The following DPP10 variants were observed in gnomAD, a reference collection of about 807,000 sequenced individuals.
DPP10 encodes the protein dipeptidyl peptidase like 10.
DPP10 carries 33 observed loss-of-function variants against 120.9 expected under a neutral mutation model. The observed-to-expected ratio is 0.27, with a 90% CI of 0.21 to 0.37. The LOEUF (loss-of-function observed/expected upper bound fraction) is 0.37. Ranked by LOEUF, DPP10 falls within the 10% of genes least tolerant of loss-of-function variation. The probability of loss-of-function intolerance (pLI) is 1.00; values close to 1 mark genes in which losing one functional copy is unlikely to be tolerated. For synonymous variants in DPP10, 337 were observed against 326.1 expected (o/e 1.03, Z -0.36); for missense variants, 816 against 942.8 (o/e 0.87, Z 1.76).
chr2:115,426,685 C>A (rs1232529179), intron 3 of DPP10, among the ~76,000 whole-genome samples: 1 of 152,150 alleles, frequency 6.6e-6, no homozygotes, highest in African/African-American at 2.4e-5. Context: ...CCAGGTGCCA[C>A]TTCCAACACG....
chr2:115,333,068 G>C (rs749986384), intron 2 of DPP10, among the ~76,000 whole-genome samples: 22 of 152,096 alleles, frequency 1.4e-4, no homozygotes, highest in Non-Finnish European at 2.9e-4. Context: ...AAGTCTCTTT[G>C]TAGATCTCTA....
chr2:115,173,928 C>T (rs928277029), intron 1 of DPP10, among the ~76,000 whole-genome samples: 6 of 152,074 alleles, frequency 3.9e-5, no homozygotes, highest in African/African-American at 1.4e-4. Flanking sequence ...AGAGTTCCTC[C>T]CACCTAGGTT....
At chr2:114,869,270 A>G (rs1275483304) in intron 1 of DPP10, among the ~76,000 whole-genome samples, 1 of 152,148 alleles carries the variant, frequency 6.6e-6, no homozygotes, top group Non-Finnish European at 1.5e-5. Context: ...CATATACGAT[A>G]CTTAATTGTG....
intron 1 of DPP10, among the ~76,000 whole-genome samples, chr2:115,048,562 C>T (rs775884046): frequency 6.6e-6 from 1 of 152,074 alleles, no homozygotes; most frequent in Admixed American, 6.6e-5. Flanking sequence ...AAAGTCCAAG[C>T]TAAGCAGGGT....
intron 1 of DPP10, among the ~76,000 whole-genome samples, chr2:114,657,757 TG>T (rs1697072965): frequency 6.6e-6 from 1 of 152,214 alleles, no homozygotes; most frequent in African/African-American, 2.4e-5. Context: ...TGATGTTTAA[TG>T]AAATTTAAGC....
chr2:115,594,259 C>T (rs912609074), intron 5 of DPP10, among the ~76,000 whole-genome samples: 1 of 152,178 alleles, frequency 6.6e-6, no homozygotes, highest in African/African-American at 2.4e-5. Context: ...TCTTACTCAA[C>T]TTACACAAAT....
chr2:114,691,383 A>G (rs1278678593), intron 1 of DPP10, among the ~76,000 whole-genome samples: 2 of 151,924 alleles, frequency 1.3e-5, no homozygotes, highest in Non-Finnish European at 2.9e-5. Flanking sequence ...ATTTGTGTAC[A>G]TTTAACTAAC....
chr2:114,565,677 T>C lies in DPP10; in HGVS notation c.60+122839T>C, dbSNP rs181493426. Reference sequence around the variant, plus strand: ...TGGACCTCTGCATGAAGAAATGTGATGTGCTAAATAAATTCCTATCCCCAG... The same window carrying C: ...TGGACCTCTGCATGAAGAAATGTGACGTGCTAAATAAATTCCTATCCCCAG... On this transcript the variant is annotated intron_variant, in intron 1 of 25. Transcript: ENST00000410059. 9.8e-5 allele frequency among the ~76,000 whole-genome samples: 15 copies of C among 152,334 alleles called. No homozygotes were observed. In the East Asian group the frequency reaches 2.9e-3, roughly 29 times the overall value.
chr2:115,415,240 G>A (rs1387913571), intron 3 of DPP10, among the ~76,000 whole-genome samples: 5 of 152,146 alleles, frequency 3.3e-5, no homozygotes, highest in South Asian at 2.1e-4. Context: ...ATCTGGCTGC[G>A]CTTTGGCCAG....
chr2:115,143,715 T>C (rs544944938), intron 1 of DPP10, among the ~76,000 whole-genome samples: 3 of 152,282 alleles, frequency 2.0e-5, no homozygotes, highest in East Asian at 1.9e-4. Flanking sequence ...GTCATTTGTA[T>C]TATCTGATAG....
chr2:115,333,248 C>T (rs949918418), intron 2 of DPP10, among the ~76,000 whole-genome samples: 1 of 152,036 alleles, frequency 6.6e-6, no homozygotes, highest in Admixed American at 6.6e-5. Context: ...ATTACAACCC[C>T]TGCCTGTTTT....
rs57462947 is a variant in DPP10, at chr2:115,207,416, C to CAAAAAAAAAAAAAAAAAAAA, written c.61-101812_61-101793dup. ...GGTTTTTAAAGAGTGCTTACTGCAC[C>CAAAAAAAAAAAAAAAAAAAA]AAAAAAAAAAAAAAAAAAAAAAAAA... is the stretch of plus-strand genomic sequence containing the variant. On this transcript the variant is annotated intron_variant, in intron 1 of 25. Transcript: ENST00000410059. Among the ~76,000 whole-genome samples, 8 of 52,300 alleles carry CAAAAAAAAAAAAAAAAAAAA rather than the reference C, an allele frequency of 1.5e-4. 1 individual carries two copies. The highest frequency in any genetic ancestry group is 5.3e-4 in the African/African-American group (8 of 15,134). The allele number at this position is 52,300 out of a possible 152,430, so 34.3% of individuals were successfully genotyped here.
intron 1 of DPP10, among the ~76,000 whole-genome samples, chr2:114,725,228 T>C (rs1165788309): frequency 6.6e-6 from 1 of 152,166 alleles, no homozygotes; most frequent in Non-Finnish European, 1.5e-5. Flanking sequence ...TGCCTCAGCT[T>C]CTTTCTTTAG....
intron 1 of DPP10, among the ~76,000 whole-genome samples, chr2:114,493,955 A>G (rs1299980897): frequency 3.3e-5 from 5 of 152,180 alleles, no homozygotes; most frequent in African/African-American, 9.6e-5. Flanking sequence ...TAGGCATTAC[A>G]TAAACAAATA....
rs1678316278 is a variant in DPP10 at position 115,748,621 on chromosome 2, T to C, written c.950+2438T>C. 2.6e-5 allele frequency among the ~76,000 whole-genome samples: 4 copies of C among 152,240 alleles called. 1 individual carries two copies. In the South Asian group the frequency reaches 8.3e-4, roughly 32 times the overall value. On this transcript the variant is annotated intron_variant, in intron 10 of 25. Transcript: ENST00000410059. ...GAATTGAAGATCTTAGGTCCTTTTT[T>C]TGGTCTGTCTGATTGCTTATTTGGA...
Position 115,499,512 on chromosome 2 carries a change from A to C in DPP10, c.274A>C (p.Thr92Pro), listed in dbSNP as rs1261314411. Residue 92 changes from threonine (T) to proline (P), a missense_variant and splice_region_variant, in exon 4 of 26, where the codon ACA (threonine) becomes CCA (proline). Around this residue, in one of 3 missense-constraint regions of DPP10, gnomAD observed 182 missense variants for 207.4 expected, o/e 0.88. Coordinates refer to ENST00000410059, the MANE Select transcript of DPP10 (RefSeq NM_020868.6). ...HDPEARWIND[T>P]DVVYKSENGH... ...TGTGAATGTCTTTGTTGTTGCAGATACAGATGTGGTGTATAAAAGCGAGAA... is the reference window on the plus strand; with the variant it reads ...TGTGAATGTCTTTGTTGTTGCAGATCCAGATGTGGTGTATAAAAGCGAGAA... 2 of 1,609,486 alleles carry C rather than the reference A, an allele frequency of 1.2e-6. No individual in the cohort carries two copies. The highest frequency in any genetic ancestry group is 1.7e-6 in the Non-Finnish European group (2 of 1,177,218).
At chr2:114,835,953 A>G (rs1687700387) in intron 1 of DPP10, among the ~76,000 whole-genome samples, 1 of 152,164 alleles carries the variant, frequency 6.6e-6, no homozygotes. Flanking sequence ...TAATAGCCTT[A>G]TCTTCTTTTG....
intron 5 of DPP10, among the ~76,000 whole-genome samples, chr2:115,672,806 G>C (rs2149446768): frequency 6.6e-6 from 1 of 151,038 alleles, no homozygotes; most frequent in Non-Finnish European, 1.5e-5. Context: ...GAGTGCAGTG[G>C]CCTGATCTTG....
At chr2:115,485,451 A>C (rs529763592) in intron 3 of DPP10, among the ~76,000 whole-genome samples, 2 of 152,000 alleles carry the variant, frequency 1.3e-5, no homozygotes, top group Non-Finnish European at 2.9e-5. Context: ...CGTGCCCTTC[A>C]TTCTTGGGTC....
Sources: allele counts gnomAD v4.1 joint callset (sites outside exome capture counted in the v4.1 genomes callset), GRCh38; gene constraint gnomAD v4.1.1; regional missense constraint gnomAD v4.1.1; transcripts MANE v1.5; gene names NCBI Gene and HGNC (gene_info 2026-07-23, HGNC 2026-07-21).